LUZP2: variants seen among roughly 807,000 people sequenced by gnomAD.
LUZP2 encodes leucine zipper protein 2.
LUZP2 carries 52 observed loss-of-function variants against 51.6 expected under a neutral mutation model. The ratio of observed to expected loss-of-function variants is 1.01; its 90% CI spans 0.81 to 1.27. LUZP2 has a LOEUF of 1.27. Among genes scored for constraint, LUZP2 ranks in the 50% most tolerant of loss-of-function variants. The probability of loss-of-function intolerance (pLI) is 0.00; values close to 1 mark genes in which losing one functional copy is unlikely to be tolerated. For synonymous variants in LUZP2, 154 were observed against 137.3 expected (o/e 1.12, Z -0.85); for missense variants, 436 against 395.4 (o/e 1.10, Z -0.87).
intron 1 of LUZP2, among the ~76,000 whole-genome samples, chr11:24,584,559 T>C (rs1590209046): frequency 6.6e-6 from 1 of 152,200 alleles, no homozygotes; most frequent in East Asian, 1.9e-4. Flanking sequence ...AGTAAAGTTT[T>C]GTTGCAGTAT....
chr11:24,924,722 A>T (rs1198428161), intron 7 of LUZP2, among the ~76,000 whole-genome samples: 2 of 152,182 alleles, frequency 1.3e-5, no homozygotes, highest in Non-Finnish European at 2.9e-5. Flanking sequence ...ACATACATGT[A>T]AGATGTTCAT....
At chr11:24,884,346 G>C (rs1269676112) in intron 5 of LUZP2, among the ~76,000 whole-genome samples, 1 of 151,842 alleles carries the variant, frequency 6.6e-6, no homozygotes, top group Non-Finnish European at 1.5e-5. Flanking sequence ...TTTACCTTAT[G>C]GTACTGCACT....
At chr11:24,525,124 T>G (rs546520136) in intron 1 of LUZP2, among the ~76,000 whole-genome samples, 7 of 151,774 alleles carry the variant, frequency 4.6e-5, no homozygotes, top group Non-Finnish European at 8.9e-5. Flanking sequence ...AATATTTTTC[T>G]TCACCAATAT....
At chr11:24,959,765 C>A (rs188812041) in intron 7 of LUZP2, among the ~76,000 whole-genome samples, 9,217 of 152,168 alleles carry the variant, frequency 0.061, 417 homozygotes, top group Non-Finnish European at 0.099. Context: ...CCTAATTGCC[C>A]TGGCCAGAAC....
intron 7 of LUZP2, among the ~76,000 whole-genome samples, chr11:24,956,368 A>G (rs1855209580): frequency 6.6e-6 from 1 of 152,036 alleles, no homozygotes; most frequent in Non-Finnish European, 1.5e-5. Context: ...CCAGTAAGTC[A>G]TATTTTGGAT....
At chr11:24,817,533 A>C (rs1049017600) in intron 5 of LUZP2, among the ~76,000 whole-genome samples, 1 of 152,108 alleles carries the variant, frequency 6.6e-6, no homozygotes, top group Non-Finnish European at 1.5e-5. Context: ...AAATTTCAAC[A>C]GATCTGTTTG....
intron 9 of LUZP2, among the ~76,000 whole-genome samples, chr11:25,044,097 G>GAT (rs1192013526): frequency 2.5e-4 from 23 of 91,806 alleles, no homozygotes; most frequent in African/African-American, 1.3e-3. Flanking sequence ...ATATATATCT[G>GAT]ATATATATAG....
chr11:24,581,174 T>C (rs905868014), intron 1 of LUZP2, among the ~76,000 whole-genome samples: 1 of 147,164 alleles, frequency 6.8e-6, no homozygotes, highest in African/African-American at 2.5e-5. Flanking sequence ...TCTCAATCCT[T>C]GGATGTATAC....
chr11:24,910,531 C>T (rs377102996), intron 6 of LUZP2, among the ~76,000 whole-genome samples: 17 of 152,198 alleles, frequency 1.1e-4, no homozygotes, highest in East Asian at 1.9e-4. Flanking sequence ...AAAGGGGCCA[C>T]GGTACATCTC....
intron 9 of LUZP2, among the ~76,000 whole-genome samples, chr11:25,044,253 G>GTATATATATATATATATATA (rs1446874239): frequency 3.1e-5 from 1 of 31,822 alleles, no homozygotes; most frequent in Non-Finnish European, 6.5e-5. Context: ...GTGTGTGTGT[G>GTATATATATATATATATATA]TGTGTATATA....
intron 9 of LUZP2, among the ~76,000 whole-genome samples, chr11:25,037,789 A>C (rs1278848646): frequency 6.6e-6 from 1 of 151,980 alleles, no homozygotes; most frequent in Non-Finnish European, 1.5e-5. Context: ...ATAGGCCACC[A>C]GTCTCTTCTG....
chr11:24,707,689 C>G (rs1167913371), intron 1 of LUZP2, among the ~76,000 whole-genome samples: 1 of 152,138 alleles, frequency 6.6e-6, no homozygotes, highest in Non-Finnish European at 1.5e-5. Context: ...GTGAATTTGC[C>G]TTTCTGCCTT....
intron 1 of LUZP2, among the ~76,000 whole-genome samples, chr11:24,520,956 G>C (rs1340661931): frequency 6.6e-6 from 1 of 152,130 alleles, no homozygotes; most frequent in Admixed American, 6.5e-5. Flanking sequence ...TAGCTCCAGA[G>C]GGAAATAGGA....
chr11:24,528,491 C>A (rs754472275), intron 1 of LUZP2, among the ~76,000 whole-genome samples: 2 of 151,202 alleles, frequency 1.3e-5, no homozygotes, highest in Non-Finnish European at 3.0e-5. Flanking sequence ...CCAGGAGAAG[C>A]ATCTCTTTCT....
At chr11:24,535,246 G>A (rs553936941) in intron 1 of LUZP2, among the ~76,000 whole-genome samples, 16 of 151,516 alleles carry the variant, frequency 1.1e-4, no homozygotes, top group Admixed American at 3.3e-4. Flanking sequence ...TTATCAGGGC[G>A]GTGATTGCTA....
chr11:24,756,605 T>C (rs1859784186), intron 4 of LUZP2, among the ~76,000 whole-genome samples: 1 of 152,122 alleles, frequency 6.6e-6, no homozygotes, highest in Non-Finnish European at 1.5e-5. Context: ...GCAAATCTCA[T>C]TCCCTTGACA....
chr11:24,797,990 C>T (rs1224351686), intron 5 of LUZP2, among the ~76,000 whole-genome samples: 4 of 152,020 alleles, frequency 2.6e-5, no homozygotes, highest in Non-Finnish European at 4.4e-5. Flanking sequence ...GTAAAAGGAG[C>T]TGAGAACAGG....
intron 1 of LUZP2, among the ~76,000 whole-genome samples, chr11:24,499,014 C>G (rs889854202): frequency 6.6e-6 from 1 of 152,082 alleles, no homozygotes; most frequent in Non-Finnish European, 1.5e-5. Context: ...AATACAGGGT[C>G]AAAAAGCCAT....
chr11:24,719,570 A>G (rs1565097230), intron 1 of LUZP2, among the ~76,000 whole-genome samples: 1 of 152,194 alleles, frequency 6.6e-6, no homozygotes, highest in Non-Finnish European at 1.5e-5. Context: ...AGAGAAGTTA[A>G]CACAGCATTT....
Sources: gnomAD v4.1 joint callset for allele counts (sites outside exome capture counted in the v4.1 genomes callset) on GRCh38, gnomAD v4.1.1 for gene constraint, MANE v1.5 for transcripts, NCBI Gene and HGNC (gene_info 2026-07-23, HGNC 2026-07-21) for gene names.